Variants in RGS12 observed in about 807,000 individuals in gnomAD.
RGS12 encodes the protein regulator of G-protein signaling 12.
In RGS12, 66 loss-of-function variants were observed where a neutral mutation model predicts 120.1. The ratio of observed to expected loss-of-function variants is 0.55; its 90% CI spans 0.45 to 0.67. RGS12 has a LOEUF of 0.67. Among genes scored for constraint, RGS12 ranks in the 30% least tolerant of loss-of-function variants. RGS12 has a pLI of 0.00. For missense variants in RGS12, 1,859 were observed against 1,957.7 expected (o/e 0.95, Z 0.95); for synonymous variants, 827 against 804.7 (o/e 1.03, Z -0.47).
upstream of RGS12, among the ~76,000 whole-genome samples, chr4:3,292,861 C>A (rs1442456793): frequency 6.6e-6 from 1 of 151,944 alleles, no homozygotes; most frequent in Non-Finnish European, 1.5e-5. Flanking sequence ...CCACGCTGTC[C>A]CGACGCGAAG....
chr4:3,340,115 A>G (rs1361315252), intron 2 of RGS12, among the ~76,000 whole-genome samples: 2 of 152,132 alleles, frequency 1.3e-5, no homozygotes, highest in South Asian at 2.1e-4. Flanking sequence ...TGCGCTCCCC[A>G]TTGTTGGGCA....
chr4:3,342,445 C>G lies in RGS12; in HGVS notation c.1882-492C>G, dbSNP rs1468317321. On this transcript the variant is annotated intron_variant, in intron 2 of 17. Transcript: ENST00000336727. The stretch of plus-strand genomic sequence containing the variant: ...TTTCCTGCGCCGGAGTTGGTTGGGT[C>G]TTCAGACACCAGCTGAATGCTTAGG... 6.2e-6 allele frequency: 8 copies of G among 1,282,814 alleles called. No homozygotes were observed. The Middle Eastern group carries it at 6.4e-4, about 103-fold the overall frequency. 79.5% of individuals were successfully genotyped at this position (1,282,814 alleles called of 1,614,324 possible).
intron 3 of RGS12, among the ~76,000 whole-genome samples, chr4:3,364,267 C>G (rs1716055432): frequency 6.6e-6 from 1 of 152,268 alleles, no homozygotes; most frequent in Middle Eastern, 3.4e-3. Flanking sequence ...GGCTCCTGGG[C>G]TCGTTACGTC....
At chr4:3,422,302 G>C (rs1213290789) in intron 10 of RGS12, 74 bp from the exon 11 acceptor site, 1 of 1,458,804 alleles carries the variant, frequency 6.9e-7, no homozygotes, top group Non-Finnish European at 9.2e-7. Flanking sequence ...TGGGCCAGCT[G>C]GGCTGCTCTG....
intron 2 of RGS12, among the ~76,000 whole-genome samples, chr4:3,337,317 C>T (rs977241760): frequency 1.4e-4 from 22 of 152,208 alleles, no homozygotes; most frequent in African/African-American, 5.3e-4. Flanking sequence ...GGTGGCTCCT[C>T]AAAAAACCAA....
intron 4 of RGS12, among the ~76,000 whole-genome samples, chr4:3,397,705 G>A (rs763496312): frequency 6.6e-6 from 1 of 152,246 alleles, no homozygotes; most frequent in Non-Finnish European, 1.5e-5. Context: ...GAGATATTGT[G>A]TAGACAGTTG....
At position 3,439,671 on chromosome 4, in the gene RGS12, C is replaced by A. The variant is rs111348869; in HGVS notation, c.4331C>A (p.Ala1444Asp). ...PAKPKTSAHH[A>D]TFV ...AAGCCCAAGACCAGCGCTCACCACGCCACCTTCGTCTGAGCTGCCCTGGCC... is the reference window on the plus strand; with the variant it reads ...AAGCCCAAGACCAGCGCTCACCACGACACCTTCGTCTGAGCTGCCCTGGCC... The change falls in exon 18 of 18, where the codon GCC (alanine) becomes GAC (aspartate). Residue 1444 changes from alanine (A) to aspartate (D), a missense_variant. Transcript: ENST00000336727. 37 of 1,533,974 alleles carry A rather than the reference C, an allele frequency of 2.4e-5. No homozygotes were observed. Among genetic ancestry groups the A allele is most frequent in the Non-Finnish European group, 3.2e-5 (36 of 1,140,084 alleles).
At chr4:3,370,396 C>A in intron 3 of RGS12, 1 of 1,401,126 alleles carries the variant, frequency 7.1e-7, no homozygotes, top group South Asian at 1.2e-5. Context: ...CCTGTTTTAG[C>A]GAGTGGCAGC....
intron 8 of RGS12, 55 bp downstream of exon 8, chr4:3,417,147 G>C: frequency 6.6e-7 from 1 of 1,508,748 alleles, no homozygotes; most frequent in South Asian, 1.3e-5. Context: ...CATCAGCTGA[G>C]AGCTGTTCTG....
intron 1 of RGS12, among the ~76,000 whole-genome samples, chr4:3,307,275 G>A (rs1319630111): frequency 1.3e-5 from 2 of 152,182 alleles, no homozygotes; most frequent in Admixed American, 1.3e-4. Context: ...AGACTGTCTT[G>A]GACATGAGCC....
At chr4:3,356,223 T>G (rs1001342584) in intron 3 of RGS12, among the ~76,000 whole-genome samples, 7 of 151,740 alleles carry the variant, frequency 4.6e-5, no homozygotes, top group African/African-American at 1.7e-4. Flanking sequence ...CCCGGATAAT[T>G]TTTGTATTTT....
chr4:3,425,316 T>C, intron 13 of RGS12, 148 bp from the exon 14 acceptor site: 1 of 712,968 alleles, frequency 1.4e-6, no homozygotes, highest in Non-Finnish European at 2.5e-6. Context: ...CCAGCTTGTG[T>C]GCCTCAGTCA....
intron 5 of RGS12, 96 bp from the exon 6 acceptor site, chr4:3,414,656 G>A: frequency 1.1e-6 from 1 of 887,000 alleles, no homozygotes; most frequent in South Asian, 1.5e-5. Flanking sequence ...GCAGCTCACT[G>A]AGCAGCCAGT....
At chr4:3,320,658 A>G (rs1725116882) in intron 2 of RGS12, among the ~76,000 whole-genome samples, 1 of 152,172 alleles carries the variant, frequency 6.6e-6, no homozygotes, top group African/African-American at 2.4e-5. Flanking sequence ...TTCCTGCTGT[A>G]ATCTCTTGAG....
intron 3 of RGS12, among the ~76,000 whole-genome samples, chr4:3,350,151 G>A (rs932285644): frequency 6.6e-6 from 1 of 152,178 alleles, no homozygotes; most frequent in African/African-American, 2.4e-5. Context: ...TAACACAGAA[G>A]ATACAGCAAT....
intron 2 of RGS12, among the ~76,000 whole-genome samples, chr4:3,329,034 C>T (rs999341565): frequency 2.6e-5 from 4 of 152,164 alleles, no homozygotes; most frequent in African/African-American, 9.7e-5. Context: ...AGAGGCTCAG[C>T]TGTTGGATTC....
chr4:3,352,771 C>T (rs1367295965), intron 3 of RGS12, among the ~76,000 whole-genome samples: 1 of 152,136 alleles, frequency 6.6e-6, no homozygotes, highest in African/African-American at 2.4e-5. Context: ...TTGTAGTTTT[C>T]CAGTCTTTTG....
intron 4 of RGS12, among the ~76,000 whole-genome samples, chr4:3,405,644 C>T (rs1235661709): frequency 6.6e-6 from 1 of 152,172 alleles, no homozygotes; most frequent in Non-Finnish European, 1.5e-5. Context: ...AGAGAATGTC[C>T]ACCTTCTTAG....
chr4:3,290,067 G>C (rs1722976522), upstream of RGS12, among the ~76,000 whole-genome samples: 1 of 152,184 alleles, frequency 6.6e-6, no homozygotes, highest in African/African-American at 2.4e-5. Flanking sequence ...CGAGCGCTTA[G>C]GTGGGTTCCA....
Sources: allele counts gnomAD v4.1 joint callset (sites outside exome capture counted in the v4.1 genomes callset), GRCh38; gene constraint gnomAD v4.1.1; transcripts MANE v1.5; gene names NCBI Gene and HGNC (gene_info 2026-07-23, HGNC 2026-07-21).